Variants in EPHX2 observed in about 807,000 individuals in gnomAD.
The protein encoded by EPHX2 is epoxide hydrolase 2.
A neutral mutation model predicts 78.7 loss-of-function variants in EPHX2; 74 were observed. The observed-to-expected ratio is 0.94, with a 90% confidence interval of 0.78 to 1.14. The LOEUF is 1.14. Among genes scored for constraint, EPHX2 ranks in the 50% most tolerant of loss-of-function variants. EPHX2 has a pLI of 0.00. For synonymous variants in EPHX2, 251 were observed against 255.2 expected (o/e 0.98, Z 0.16); for missense variants, 715 against 702.5 (o/e 1.02, Z -0.20).
chr8:27,509,083 T>C (rs1814135264), intron 5 of EPHX2, among the ~76,000 whole-genome samples: 1 of 151,510 alleles, frequency 6.6e-6, no homozygotes, highest in African/African-American at 2.4e-5. Flanking sequence ...TCTCTATGAA[T>C]TGGACTCCTC....
chr8:27,516,436 TG>T, intron 8 of EPHX2, 38 bp downstream of exon 8: 2 of 1,596,472 alleles, frequency 1.3e-6, no homozygotes, highest in Non-Finnish European at 8.6e-7. Context: ...ATGCTGGTCT[TG>T]CCTTCTACCT....
intron 1 of EPHX2, among the ~76,000 whole-genome samples, chr8:27,499,317 A>ACATGTAACC (rs1813683400): frequency 1.3e-5 from 2 of 152,164 alleles, no homozygotes; most frequent in Admixed American, 6.5e-5. Flanking sequence ...CATAGCAGTA[A>ACATGTAACC]TTATACCTTA....
intron 6 of EPHX2, among the ~76,000 whole-genome samples, chr8:27,515,012 G>C (rs1208730939): frequency 1.3e-5 from 2 of 152,122 alleles, no homozygotes; most frequent in Non-Finnish European, 2.9e-5. Context: ...CCAGGTGGGA[G>C]GGGGTCCCCA....
intron 11 of EPHX2, among the ~76,000 whole-genome samples, chr8:27,525,093 TGTGTGTGTGTGTGTGCGCGCGCGC>T (rs1245251384): frequency 6.9e-6 from 1 of 145,390 alleles, no homozygotes; most frequent in Non-Finnish European, 1.5e-5. Context: ...TGTGTGTGTG[TGTGTGTGTGTGTGTGCGCGCGCGC>T]GCGCGCACCT....
chr8:27,543,664 G>A, intron 16 of EPHX2, 85 bp from the exon 17 acceptor site: 1 of 1,361,354 alleles, frequency 7.3e-7, no homozygotes, highest in South Asian at 1.3e-5. Flanking sequence ...ACCACAGCAG[G>A]GTGGCGAGCA....
Position 27,525,403 on chromosome 8 carries a change from C to T in EPHX2, c.1100C>T (p.Pro367Leu). The T allele has an allele frequency of 1.2e-6, 2 of 1,614,084 alleles. No homozygotes were observed. The highest frequency in any genetic ancestry group is 1.7e-6 in the Non-Finnish European group (2 of 1,180,032). The stretch of plus-strand genomic sequence containing the variant: ...AATACTCCCTTCATACCAGCAAATC[C>T]CAACATGTCCCCTTTGGAGAGTATC... ...SLNTPFIPAN[P>L]NMSPLESIKA... Residue 367 changes from proline to leucine, a missense_variant, in exon 12 of 19, where the codon CCC becomes CTC. Coordinates refer to ENST00000521400, the MANE Select transcript of EPHX2 (RefSeq NM_001979.6).
chr8:27,500,993 G>A lies in EPHX2; in HGVS notation c.169G>A (p.Glu57Lys), dbSNP rs781604277. The change falls in exon 2 of 19, where the codon GAG (glutamate) becomes AAG (lysine). Residue 57 changes from glutamate (E) to lysine (K), a missense_variant. By Grantham distance (56) the Glu-to-Lys change is moderately conservative (BLOSUM62 1). Coordinates refer to ENST00000521400, the MANE Select transcript of EPHX2 (RefSeq NM_001979.6). ...TGCCACTACCCGGCTTATGAAAGGA[G>A]AGATCACACTTTCCCAGGTGAGGGG... ...EGATTRLMKG[E>K]ITLSQWIPLM... The A allele has an allele frequency of 6.2e-7, 1 of 1,613,374 alleles. No individual in the cohort carries two copies. The highest frequency in any genetic ancestry group is 8.5e-7 in the Non-Finnish European group (1 of 1,179,646).
chr8:27,543,975 C>G (rs1022353197), intron 17 of EPHX2, 146 bp downstream of exon 17: 1 of 979,206 alleles, frequency 1.0e-6, no homozygotes. Context: ...CACTGTCCCC[C>G]CATTGCAAGC....
chr8:27,533,382 G>T (rs150819679), intron 12 of EPHX2, among the ~76,000 whole-genome samples: 206 of 152,284 alleles, frequency 1.4e-3, no homozygotes, highest in African/African-American at 4.7e-3. Flanking sequence ...CCTCTCCAGG[G>T]CAGACAGGAA....
At chr8:27,516,576 G>A (rs113132223) in intron 8 of EPHX2, among the ~76,000 whole-genome samples, 178 bp downstream of exon 8, 48 of 152,212 alleles carry the variant, frequency 3.2e-4, no homozygotes, top group African/African-American at 1.1e-3. Flanking sequence ...GGCCTCAGAT[G>A]CCCCTGCCCC....
At chr8:27,546,710 A>G (rs1815582363), downstream of EPHX2, among the ~76,000 whole-genome samples, 1 of 152,258 alleles carries the variant, frequency 6.6e-6, no homozygotes, top group Non-Finnish European at 1.5e-5. Context: ...AAAAGGCCTC[A>G]GAAATTCTGC....
intron 11 of EPHX2, among the ~76,000 whole-genome samples, chr8:27,523,109 G>A (rs1346769224): frequency 1.3e-5 from 2 of 152,182 alleles, no homozygotes; most frequent in African/African-American, 4.8e-5. Context: ...AGCTTGAGGG[G>A]TGCAGGGGAG....
Position 27,506,973 on chromosome 8 carries a change from G to A in EPHX2, c.639G>A (p.Leu213=). 7.4e-6 allele frequency: 12 copies of A among 1,614,026 alleles called. No individual in the cohort carries two copies. Among genetic ancestry groups the A allele is most frequent in the Middle Eastern group, 3.3e-4 (2 of 6,002 alleles). The change falls in exon 5 of 19, where the codon CTG becomes CTA. Residue 213 remains leucine, a synonymous_variant. Transcript: ENST00000521400. ...ACACTGACACGGCCCTGAAAGAACT[G>A]GAGAAAGTGACCGGAATCCAGGTAA... ...VQDTDTALKE[L]EKVTGIQLLN...
chr8:27,500,476 A>G (rs1234573795), intron 1 of EPHX2, among the ~76,000 whole-genome samples: 1 of 152,246 alleles, frequency 6.6e-6, no homozygotes, highest in African/African-American at 2.4e-5. Flanking sequence ...TAAAGGTTAG[A>G]AGATGACATT....
rs574652929 is a variant in EPHX2 at position 27,506,278 on chromosome 8, C to A, written c.538-594C>A. 3.3e-5 allele frequency among the ~76,000 whole-genome samples: 5 copies of A among 152,314 alleles called. No individual in the cohort carries two copies. In the South Asian group the frequency reaches 1.0e-3, roughly 32 times the overall value. On this transcript the variant is annotated intron_variant, in intron 4 of 18. Transcript: ENST00000521400. ...GGATTACAGGTGTGAGCCATCAAGC[C>A]TAGCACTTTCTTTATTACTACATAT...
At chr8:27,516,287 G>T (rs1305900493) in intron 7 of EPHX2, 33 bp from the exon 8 acceptor site, 1 of 1,599,580 alleles carries the variant, frequency 6.3e-7, no homozygotes, top group Non-Finnish European at 8.6e-7. Context: ...GGACTGATGG[G>T]ACCATGCTGG....
intron 2 of EPHX2, 150 bp from the exon 3 acceptor site, chr8:27,503,454 C>A: frequency 1.0e-6 from 1 of 981,556 alleles, no homozygotes; most frequent in Non-Finnish European, 1.5e-6. Context: ...GGCCATGTCT[C>A]TTGGAGAACA....
At chr8:27,527,990 T>G (rs375167708) in intron 12 of EPHX2, among the ~76,000 whole-genome samples, 1 of 152,154 alleles carries the variant, frequency 6.6e-6, no homozygotes, top group Non-Finnish European at 1.5e-5. Flanking sequence ...CCAAAGCCCA[T>G]GCCTCCAACT....
chr8:27,515,916 G>A (rs377069815), intron 7 of EPHX2, 103 bp downstream of exon 7: 1 of 999,720 alleles, frequency 1.0e-6, no homozygotes, highest in South Asian at 1.4e-5. Context: ...ACCTGACAGT[G>A]GAGCATTGTC....
Sources: gnomAD v4.1 joint callset for allele counts (sites outside exome capture counted in the v4.1 genomes callset) on GRCh38, gnomAD v4.1.1 for gene constraint, MANE v1.5 for transcripts, NCBI Gene and HGNC (gene_info 2026-07-23, HGNC 2026-07-21) for gene names.